The following TMEM65 variants were observed in gnomAD, a reference collection of about 807,000 sequenced individuals.
TMEM65 encodes the protein transmembrane protein 65.
A neutral mutation model predicts 25.4 loss-of-function variants in TMEM65; 22 were observed. That is an observed-to-expected ratio of 0.86 (90% CI 0.62 to 1.23). The LOEUF (loss-of-function observed/expected upper bound fraction) is 1.23. Among genes scored for constraint, TMEM65 ranks in the 50% most tolerant of loss-of-function variants. TMEM65 has a pLI of 0.00. For missense variants in TMEM65, 262 were observed against 308.2 expected, an observed-to-expected ratio of 0.85 and a Z score of 1.12; for synonymous variants, 132 against 126.2, an observed-to-expected ratio of 1.05 and a Z score of -0.31.
intron 6 of TMEM65, among the ~76,000 whole-genome samples, chr8:124,318,235 G>A (rs1161675217): frequency 6.6e-6 from 1 of 151,968 alleles, no homozygotes; most frequent in Non-Finnish European, 1.5e-5. Flanking sequence ...TGAGCTTCTA[G>A]ACAGGAACGA....
chr8:124,326,970 G>C (rs1814372708), intron 3 of TMEM65, among the ~76,000 whole-genome samples: 1 of 151,950 alleles, frequency 6.6e-6, no homozygotes, highest in African/African-American at 2.4e-5. Context: ...TTTCACATTG[G>C]AAAATTGAAC....
At chr8:124,345,100 C>T (rs979378942) in intron 1 of TMEM65, among the ~76,000 whole-genome samples, 1 of 152,188 alleles carries the variant, frequency 6.6e-6, no homozygotes, top group African/African-American at 2.4e-5. Flanking sequence ...TATGTAAACA[C>T]ACTGCAACCT....
At chr8:124,348,564 G>T (rs117386835) in intron 1 of TMEM65, among the ~76,000 whole-genome samples, 1 of 152,014 alleles carries the variant, frequency 6.6e-6, no homozygotes, top group Admixed American at 6.6e-5. Flanking sequence ...AAATCATATA[G>T]CTATGGATAA....
chr8:124,315,868 C>A (rs906976181), intron 6 of TMEM65, among the ~76,000 whole-genome samples: 1 of 152,094 alleles, frequency 6.6e-6, no homozygotes, highest in Non-Finnish European at 1.5e-5. Flanking sequence ...TAAAGTTAAT[C>A]CTAGCTTCTT....
Position 124,367,471 on chromosome 8 carries a change from T to G in TMEM65, c.304+4383A>C, listed in dbSNP as rs191580100. 9.0e-3 allele frequency among the ~76,000 whole-genome samples: 1,375 copies of G among 151,936 alleles called. 31 individuals are homozygous for G. The highest frequency in any genetic ancestry group is 9.0e-3 in the Non-Finnish European group (615 of 67,990). ...CTGGGCAACAGAGTGAGACTCTGTCTCAAAAAATAAAAAAAATTTAAGAAA... is the reference window on the plus strand; with the variant it reads ...CTGGGCAACAGAGTGAGACTCTGTCGCAAAAAATAAAAAAAATTTAAGAAA... On this transcript the variant is annotated intron_variant, in intron 1 of 6. Transcript: ENST00000297632.
chr8:124,339,535 T>C (rs1159946548), intron 1 of TMEM65, among the ~76,000 whole-genome samples: 1 of 152,028 alleles, frequency 6.6e-6, no homozygotes, highest in African/African-American at 2.4e-5. Flanking sequence ...AATGTTTTTC[T>C]TTTAGCAATT....
At chr8:124,334,482 G>A (rs1814478000) in intron 1 of TMEM65, among the ~76,000 whole-genome samples, 2 of 151,700 alleles carry the variant, frequency 1.3e-5, no homozygotes, top group African/African-American at 4.8e-5. Flanking sequence ...AAAATTAGCT[G>A]GGGCTGGGCA....
At position 124,362,677 on chromosome 8, in the gene TMEM65, G is replaced by C. The variant is rs28814613; in HGVS notation, c.304+9177C>G. ...ACTCTTGTCTCAAAAAAAAAAAATA[G>C]AAAAAATGCTAAGAGATTATAAAAG... is the stretch of plus-strand genomic sequence containing the variant. On this transcript the variant is annotated intron_variant, in intron 1 of 6. Coordinates refer to ENST00000297632, the MANE Select transcript of TMEM65 (RefSeq NM_194291.3). 6.8e-3 allele frequency among the ~76,000 whole-genome samples: 335 copies of C among 49,226 alleles called. 2 individuals carry two copies. Among genetic ancestry groups the C allele is most frequent in the African/African-American group, 0.024 (285 of 12,084 alleles). The allele number at this position is 49,226 out of a possible 152,430, so 32.3% of individuals were successfully genotyped here.
intron 1 of TMEM65, among the ~76,000 whole-genome samples, chr8:124,353,403 C>T (rs562451267): frequency 2.0e-4 from 31 of 152,086 alleles, no homozygotes; most frequent in Non-Finnish European, 4.0e-4. Context: ...GTGTTATTAG[C>T]TTAGTATTGA....
In TMEM65 at chr8:124,372,014, C is replaced by T. The variant is rs918427484; in HGVS notation, c.144G>A (p.Pro48=). 503 of 1,309,482 alleles carry T rather than the reference C, an allele frequency of 3.8e-4. No homozygotes were observed. Among genetic ancestry groups the T allele is most frequent in the Non-Finnish European group, 4.8e-4 (494 of 1,026,304 alleles). The allele number at this position is 1,309,482 out of a possible 1,614,324, so 81.1% of individuals were successfully genotyped here. A position where few individuals can be genotyped will look rare whatever the true frequency, so the allele number is the denominator to read the frequency against. Residue 48 remains proline (P), a synonymous_variant, in exon 1 of 7, where the codon CCG becomes CCA. Coordinates refer to ENST00000297632, the MANE Select transcript of TMEM65 (RefSeq NM_194291.3). ...GCGTGCCCAGCCGCCTGGGGCCGCC[C>T]GGCAAGCCGCCGGGGGGCGCGAGCG... ...LLALAPPGGL[P]GGPRRLGTHP... is the part of the protein sequence containing the mutation.
rs1272076802 is a variant in TMEM65 at position 124,311,551 on chromosome 8, A to C, written c.*2409T>G. On this transcript the variant is annotated 3_prime_UTR_variant, in exon 7 of 7. Coordinates refer to ENST00000297632, the MANE Select transcript of TMEM65 (RefSeq NM_194291.3). ...TAAACAAACAGGACTAAAGTAGCTC[A>C]TGTTGCATTTAACTATGGTTCTTGT... The C allele has an allele frequency of 6.6e-6, 1 of 152,512 alleles. No homozygotes were observed. The highest frequency in any genetic ancestry group is 2.1e-4 in the South Asian group (1 of 4,828). 9.4% of individuals were successfully genotyped at this position (152,512 alleles called of 1,614,324 possible).
At chr8:124,327,571 G>A in intron 2 of TMEM65, 150 bp from the exon 3 acceptor site, 1 of 529,446 alleles carries the variant, frequency 1.9e-6, no homozygotes. Context: ...TGCTGCTACT[G>A]CTATAAGTAG....
intron 6 of TMEM65, among the ~76,000 whole-genome samples, chr8:124,319,488 A>G (rs4131904): frequency 0.37 from 56,727 of 151,688 alleles, 10,869 homozygotes; most frequent in East Asian, 0.56. Flanking sequence ...ACTATATATT[A>G]TATTCCTAAA....
At chr8:124,345,512 C>T (rs1481280163) in intron 1 of TMEM65, among the ~76,000 whole-genome samples, 1 of 152,116 alleles carries the variant, frequency 6.6e-6, no homozygotes. Flanking sequence ...ACATTTTAGC[C>T]TCCATCATAA....
chr8:124,321,983 T>C (rs1382728333), intron 5 of TMEM65, 122 bp downstream of exon 5: 8 of 821,284 alleles, frequency 9.7e-6, no homozygotes, highest in Non-Finnish European at 1.5e-5. Context: ...AATTTGAAAT[T>C]TTAATTCTAG....
intron 1 of TMEM65, among the ~76,000 whole-genome samples, chr8:124,350,216 T>C (rs919689399): frequency 3.3e-5 from 5 of 151,970 alleles, no homozygotes; most frequent in African/African-American, 1.2e-4. Flanking sequence ...GTTTTTGCTA[T>C]TTTTGCCTGA....
intron 1 of TMEM65, among the ~76,000 whole-genome samples, chr8:124,344,068 T>G (rs533279773): frequency 6.6e-6 from 1 of 152,232 alleles, no homozygotes; most frequent in South Asian, 2.1e-4. Context: ...TGGCCTCTAA[T>G]GTACAAAGCA....
At chr8:124,369,145 G>C (rs1306366282) in intron 1 of TMEM65, among the ~76,000 whole-genome samples, 1 of 152,198 alleles carries the variant, frequency 6.6e-6, no homozygotes, top group Non-Finnish European at 1.5e-5. Flanking sequence ...TCTGGAAGAA[G>C]AGAGATCAGG....
chr8:124,329,103 G>A (rs1180676218), intron 2 of TMEM65, among the ~76,000 whole-genome samples: 1 of 124,298 alleles, frequency 8.0e-6, no homozygotes, highest in African/African-American at 3.1e-5. Context: ...AAATGTCCAA[G>A]ATCAAGGACA....
Sources: gnomAD v4.1 joint callset for allele counts (sites outside exome capture counted in the v4.1 genomes callset) on GRCh38, gnomAD v4.1.1 for gene constraint, MANE v1.5 for transcripts, NCBI Gene and HGNC (gene_info 2026-07-23, HGNC 2026-07-21) for gene names.